The following LYPD6 variants were observed in gnomAD, a reference collection of about 807,000 sequenced individuals.
LYPD6 encodes LY6/PLAUR domain containing 6.
A neutral mutation model predicts 22.7 loss-of-function variants in LYPD6; 15 were observed. The ratio of observed to expected loss-of-function variants is 0.66; its 90% CI spans 0.44 to 1.02. The LOEUF (loss-of-function observed/expected upper bound fraction) is 1.02. Ranked by LOEUF, LYPD6 falls within the 50% of genes least tolerant of loss-of-function variation. LYPD6 has a pLI of 0.00. For missense variants in LYPD6, 189 were observed against 208.4 expected, an observed-to-expected ratio of 0.91 and a Z score of 0.57; for synonymous variants, 72 against 77.5, an observed-to-expected ratio of 0.93 and a Z score of 0.37.
At chr2:149,412,470 T>A (rs1401469604) in intron 1 of LYPD6, among the ~76,000 whole-genome samples, 1 of 133,624 alleles carries the variant, frequency 7.5e-6, no homozygotes, top group Admixed American at 7.0e-5. Flanking sequence ...TCAGAGAAGC[T>A]ATTTTTGTTA....
rs113886758 is a variant in LYPD6 at position 149,343,899 on chromosome 2, A to G, written c.-72+13177A>G. ...TTCTGTGGGATATTACAGGAAAAAA[A>G]AAACAGTGGATTAAAAATGTTTTTG... On this transcript the variant is annotated intron_variant, in intron 1 of 4. Coordinates refer to ENST00000334166, the MANE Select transcript of LYPD6 (RefSeq NM_194317.5). 5.7e-3 allele frequency among the ~76,000 whole-genome samples: 875 copies of G among 152,288 alleles called. 11 individuals carry two copies. The highest frequency in any genetic ancestry group is 0.02 in the African/African-American group (832 of 41,560).
intron 1 of LYPD6, among the ~76,000 whole-genome samples, chr2:149,342,703 T>A (rs1013831380): frequency 6.6e-6 from 1 of 152,212 alleles, no homozygotes; most frequent in Non-Finnish European, 1.5e-5. Context: ...CTGTTTAATC[T>A]CTAACGGCCA....
chr2:149,353,040 C>G (rs1681387862), intron 1 of LYPD6, among the ~76,000 whole-genome samples: 1 of 152,208 alleles, frequency 6.6e-6, no homozygotes, highest in Non-Finnish European at 1.5e-5. Context: ...ATTCCAGCAT[C>G]CATGCATTCA....
chr2:149,340,625 A>C (rs1223233065), intron 1 of LYPD6, among the ~76,000 whole-genome samples: 4 of 152,154 alleles, frequency 2.6e-5, no homozygotes, highest in Admixed American at 1.3e-4. Flanking sequence ...CCAGTAGGTC[A>C]CCCACTGGGC....
chr2:149,383,373 G>T (rs1682111227), intron 1 of LYPD6, among the ~76,000 whole-genome samples: 3 of 152,046 alleles, frequency 2.0e-5, no homozygotes, highest in South Asian at 2.1e-4. Flanking sequence ...TTAAAATTCA[G>T]TTTTTTTGGG....
intron 3 of LYPD6, among the ~76,000 whole-genome samples, chr2:149,453,686 C>T (rs1358096468): frequency 6.6e-6 from 1 of 152,228 alleles, no homozygotes; most frequent in African/African-American, 2.4e-5. Flanking sequence ...ATCCTCAGCT[C>T]AACTGAAGAC....
rs1303373532 is a variant in LYPD6, at chr2:149,417,447, A to T, written c.-71-20191A>T. The stretch of plus-strand genomic sequence containing the variant: ...AAAAGAAACAGTCAGACCAGCAAAA[A>T]TTAAGCGTCTGAACTAAAATTTAGG... On this transcript the variant is annotated intron_variant, in intron 1 of 4. Transcript: ENST00000334166. 2.0e-5 allele frequency among the ~76,000 whole-genome samples: 3 copies of T among 152,254 alleles called. No homozygotes were observed. The East Asian group carries it at 5.8e-4, about 29-fold the overall frequency.
Position 149,472,744 on chromosome 2 carries a change from C to G in LYPD6, c.*1894C>G, listed in dbSNP as rs1681370970. The G allele has an allele frequency of 6.6e-6, 1 of 152,596 alleles. No individual in the cohort carries two copies. Among genetic ancestry groups the G allele is most frequent in the East Asian group, 1.9e-4 (1 of 5,194 alleles). The allele number at this position is 152,596 out of a possible 1,614,324, so 9.5% of individuals were successfully genotyped here. A position where few individuals can be genotyped will look rare whatever the true frequency, so the allele number is the denominator to read the frequency against. ...TGCAAGAATCCTATAAAGAATGTTA[C>G]TAGCATTTACACTTCCCAAATGAAG... is the stretch of plus-strand genomic sequence containing the variant. On this transcript the variant is annotated 3_prime_UTR_variant, in exon 5 of 5. Transcript: ENST00000334166.
intron 3 of LYPD6, among the ~76,000 whole-genome samples, chr2:149,463,330 A>G (rs1398120559): frequency 6.6e-6 from 1 of 152,180 alleles, no homozygotes; most frequent in Non-Finnish European, 1.5e-5. Flanking sequence ...CAAACATGAG[A>G]TATTATGATA....
intron 1 of LYPD6, among the ~76,000 whole-genome samples, chr2:149,377,033 A>G (rs987706381): frequency 6.6e-6 from 1 of 152,198 alleles, no homozygotes; most frequent in African/African-American, 2.4e-5. Flanking sequence ...ATGGTTATAC[A>G]TATATGAGCC....
At chr2:149,438,538 G>A (rs1006605669) in intron 2 of LYPD6, among the ~76,000 whole-genome samples, 1 of 152,208 alleles carries the variant, frequency 6.6e-6, no homozygotes, top group Non-Finnish European at 1.5e-5. Flanking sequence ...GTGAGAGCTG[G>A]TTGTATTGTG....
At chr2:149,457,180 T>G (rs985991428) in intron 3 of LYPD6, among the ~76,000 whole-genome samples, 1 of 152,222 alleles carries the variant, frequency 6.6e-6, no homozygotes, top group Non-Finnish European at 1.5e-5. Context: ...TTTTGAGAAG[T>G]CATGATAGTA....
At chr2:149,453,331 A>G (rs1680878072) in intron 3 of LYPD6, among the ~76,000 whole-genome samples, 1 of 152,194 alleles carries the variant, frequency 6.6e-6, no homozygotes, top group African/African-American at 2.4e-5. Flanking sequence ...GACTGTAAAA[A>G]TGGTTATTAA....
chr2:149,430,089 C>T (rs777887413), intron 1 of LYPD6, among the ~76,000 whole-genome samples: 33 of 151,984 alleles, frequency 2.2e-4, no homozygotes, highest in Non-Finnish European at 3.8e-4. Flanking sequence ...TGAAAGAATT[C>T]GCAATTGTAT....
intron 1 of LYPD6, among the ~76,000 whole-genome samples, chr2:149,430,266 AT>A (rs1195421950): frequency 1.3e-5 from 2 of 151,878 alleles, no homozygotes; most frequent in Non-Finnish European, 2.9e-5. Context: ...TGCCCAGCTA[AT>A]TTTTGTGTTT....
chr2:149,366,681 G>A (rs1681674274), intron 1 of LYPD6, among the ~76,000 whole-genome samples: 1 of 152,162 alleles, frequency 6.6e-6, no homozygotes, highest in Non-Finnish European at 1.5e-5. Context: ...TTTTTTTATT[G>A]AAGTCAAGCA....
chr2:149,366,235 A>G (rs972777871), intron 1 of LYPD6, among the ~76,000 whole-genome samples: 1 of 152,140 alleles, frequency 6.6e-6, no homozygotes, highest in Non-Finnish European at 1.5e-5. Flanking sequence ...TTTTTGTCAT[A>G]GCTCTGGGCT....
At chr2:149,348,912 T>C (rs1681310650) in intron 1 of LYPD6, among the ~76,000 whole-genome samples, 2 of 152,048 alleles carry the variant, frequency 1.3e-5, no homozygotes. Flanking sequence ...TCTTTGTCTA[T>C]TTGGAAAGAG....
At chr2:149,465,467 A>G (rs1197109217) in intron 3 of LYPD6, among the ~76,000 whole-genome samples, 1 of 152,188 alleles carries the variant, frequency 6.6e-6, no homozygotes, top group Middle Eastern at 3.2e-3. Context: ...TTTTCCTCCC[A>G]TTAATTTTCT....
Sources: gnomAD v4.1 joint callset for allele counts (sites outside exome capture counted in the v4.1 genomes callset) on GRCh38, gnomAD v4.1.1 for gene constraint, MANE v1.5 for transcripts, NCBI Gene and HGNC (gene_info 2026-07-23, HGNC 2026-07-21) for gene names.